The following AASDH variants were observed in gnomAD, a reference collection of about 807,000 sequenced individuals.
AASDH encodes the protein aminoadipate-semialdehyde dehydrogenase.
AASDH carries 81 observed loss-of-function variants against 102.3 expected under a neutral mutation model. The ratio of observed to expected loss-of-function variants is 0.79; its 90% CI spans 0.66 to 0.95. The LOEUF (loss-of-function observed/expected upper bound fraction) is 0.95. Ranked by LOEUF, AASDH falls within the 40% of genes least tolerant of loss-of-function variation. AASDH has a pLI of 0.00. For synonymous variants in AASDH, 398 were observed against 454.0 expected (o/e 0.88, Z 1.57); for missense variants, 1,203 against 1,266.2 (o/e 0.95, Z 0.76).
chr4:56,353,303 G>A, intron 9 of AASDH, 101 bp downstream of exon 9: 1 of 977,748 alleles, frequency 1.0e-6, no homozygotes, highest in Non-Finnish European at 1.5e-6. Context: ...ATAAATGCTA[G>A]TACCATTTAT....
intron 5 of AASDH, among the ~76,000 whole-genome samples, chr4:56,357,723 C>T (rs545090202): frequency 1.3e-5 from 2 of 151,278 alleles, no homozygotes; most frequent in Non-Finnish European, 2.9e-5. Flanking sequence ...TTTTGGCCTG[C>T]CTTCTTTCAC....
chr4:56,353,212 G>A (rs1216397870), intron 9 of AASDH, among the ~76,000 whole-genome samples, 192 bp downstream of exon 9: 1 of 151,820 alleles, frequency 6.6e-6, no homozygotes, highest in Non-Finnish European at 1.5e-5. Flanking sequence ...CTGTAAATAG[G>A]AATAATACCA....
chr4:56,344,948 T>C (rs1438815038), intron 12 of AASDH, among the ~76,000 whole-genome samples, 179 bp downstream of exon 12: 3 of 150,180 alleles, frequency 2.0e-5, no homozygotes, highest in East Asian at 3.9e-4. Flanking sequence ...TTCTTTTTTT[T>C]TTTTTTTTTT....
At chr4:56,376,130 C>A (rs1455388614) in intron 4 of AASDH, among the ~76,000 whole-genome samples, 3 of 150,142 alleles carry the variant, frequency 2.0e-5, no homozygotes, top group Middle Eastern at 3.2e-3. Context: ...CTAAATCAAT[C>A]CTTCCGCTTC....
intron 1 of AASDH, among the ~76,000 whole-genome samples, chr4:56,385,326 T>G (rs1309563912): frequency 5.9e-5 from 9 of 152,222 alleles, no homozygotes; most frequent in Admixed American, 5.9e-4. Context: ...TCATACTGTA[T>G]AGTTTATTTT....
intron 1 of AASDH, among the ~76,000 whole-genome samples, chr4:56,385,544 ACT>A (rs1753450343): frequency 6.6e-6 from 1 of 152,072 alleles, no homozygotes; most frequent in African/African-American, 2.4e-5. Flanking sequence ...CCCTCTCTGA[ACT>A]CTGTTTTCCA....
At chr4:56,338,964 G>GTCCCAGT (rs2109830264) in intron 14 of AASDH, among the ~76,000 whole-genome samples, 173 bp from the exon 15 acceptor site, 1 of 152,158 alleles carries the variant, frequency 6.6e-6, no homozygotes, top group African/African-American at 2.4e-5. Flanking sequence ...CTAGACCTCT[G>GTCCCAGT]TCCCAGTGGT....
At position 56,345,128 on chromosome 4, in the gene AASDH, T is replaced by C. The variant is rs372161264; in HGVS notation, c.2651A>G (p.Tyr884Cys). The C allele has an allele frequency of 5.6e-6, 9 of 1,613,562 alleles. No homozygotes were observed. The African/African-American group carries it at 6.7e-5, about 12-fold the overall frequency. The change falls in exon 12 of 15, where the codon TAT (tyrosine) becomes TGT (cysteine). Residue 884 changes from tyrosine to cysteine, a missense_variant and splice_region_variant. Physicochemically the swap from Tyr to Cys is radical, Grantham distance 194. Coordinates refer to ENST00000205214, the MANE Select transcript of AASDH (RefSeq NM_181806.4). ...HDQHAYALDI[Y>C]RKKCVWKSKC... ...AGCTAATTTGAGGTCAATCCTTACA[T>C]AAATATCTAAAGCATATGCGTGCTG...
intron 5 of AASDH, chr4:56,356,722 A>C: frequency 1.3e-5 from 9 of 708,124 alleles, no homozygotes; most frequent in Non-Finnish European, 2.1e-5. Flanking sequence ...CCACAGGAAG[A>C]CCTGTACCAC....
intron 7 of AASDH, 135 bp from the exon 8 acceptor site, chr4:56,354,346 T>C (rs778909323): frequency 3.7e-5 from 26 of 697,658 alleles, no homozygotes; most frequent in Non-Finnish European, 5.3e-5. Flanking sequence ...TTTTAAAATG[T>C]TATCTGATAA....
intron 10 of AASDH, among the ~76,000 whole-genome samples, chr4:56,351,056 C>T (rs901233907): frequency 2.0e-5 from 3 of 152,136 alleles, no homozygotes; most frequent in Non-Finnish European, 4.4e-5. Context: ...TACATTCCAC[C>T]GATCCTCTTA....
At chr4:56,364,348 C>T (rs558310170) in intron 5 of AASDH, among the ~76,000 whole-genome samples, 3 of 151,998 alleles carry the variant, frequency 2.0e-5, no homozygotes, top group Non-Finnish European at 2.9e-5. Flanking sequence ...CCAACATTCA[C>T]ATTCAGGAAA....
At chr4:56,355,835 T>A (rs1311462233) in intron 5 of AASDH, among the ~76,000 whole-genome samples, 1 of 152,036 alleles carries the variant, frequency 6.6e-6, no homozygotes, top group African/African-American at 2.4e-5. Context: ...TAGGCTGGTC[T>A]TGGACTCCTG....
Position 56,354,177 on chromosome 4 carries a change from TTCA to T in AASDH, c.1242_1244del (p.Asp414del). The T allele has an allele frequency of 6.3e-7, 1 of 1,596,332 alleles. No individual in the cohort carries two copies. Among genetic ancestry groups the T allele is most frequent in the Non-Finnish European group, 8.5e-7 (1 of 1,170,286 alleles). On this transcript the variant is annotated inframe_deletion, in exon 8 of 15. Transcript: ENST00000205214. ...GCATTGTGCCAAGTGGTACTGTCAC[TTCA>T]TCATCAAGAAAACACACTCTGTTTC...
At chr4:56,369,911 G>A (rs1751481615) in intron 5 of AASDH, among the ~76,000 whole-genome samples, 1 of 150,224 alleles carries the variant, frequency 6.7e-6, no homozygotes, top group Admixed American at 6.6e-5. Context: ...CTGTACTCCA[G>A]GCTGGGCGAG....
chr4:56,378,142 A>C lies in AASDH; in HGVS notation c.668+6T>G. 6.3e-7 allele frequency: 1 copy of C among 1,592,772 alleles called. No homozygotes were observed. The highest frequency in any genetic ancestry group is 2.2e-5 in the East Asian group (1 of 44,662). ...TTCTGAGAAAGAGTCAAAGACTAGA[A>C]CTTACCGAAAATGCTGGATATTTGG... On this transcript the variant is annotated splice_donor_region_variant and intron_variant, in intron 4 of 14. Transcript: ENST00000205214.
Position 56,378,293 on chromosome 4 carries a change from C to A in AASDH, c.523G>T (p.Val175Phe), listed in dbSNP as rs772703352. 1 of 1,614,076 alleles carries A rather than the reference C, an allele frequency of 6.2e-7. No individual in the cohort carries two copies. The highest frequency in any genetic ancestry group is 8.5e-7 in the Non-Finnish European group (1 of 1,180,036). ...EKIKSISSEH[V>F]NEEKAEEHMD... ...TGTTCTTCTGCTTTTTCTTCATTGACATGCTCAGAACTTATGCTTTTTATT... is the reference window on the plus strand; with the variant it reads ...TGTTCTTCTGCTTTTTCTTCATTGAAATGCTCAGAACTTATGCTTTTTATT... The change falls in exon 4 of 15, where the codon GTC becomes TTC. Residue 175 changes from valine (V) to phenylalanine (F), a missense_variant. Val to Phe is a conservative substitution (Grantham distance 50, BLOSUM62 -1). Transcript: ENST00000205214.
chr4:56,373,616 T>C (rs767890071), intron 4 of AASDH, among the ~76,000 whole-genome samples: 1 of 152,174 alleles, frequency 6.6e-6, no homozygotes, highest in African/African-American at 2.4e-5. Context: ...GTGCCATACG[T>C]TGGGGTATCA....
chr4:56,363,468 C>T (rs1322054062), intron 5 of AASDH, among the ~76,000 whole-genome samples: 1 of 152,212 alleles, frequency 6.6e-6, no homozygotes, highest in Non-Finnish European at 1.5e-5. Context: ...CTGGGAGGCA[C>T]CCCCAGTAGG....
Sources: allele counts gnomAD v4.1 joint callset (sites outside exome capture counted in the v4.1 genomes callset), GRCh38; gene constraint gnomAD v4.1.1; transcripts MANE v1.5; gene names NCBI Gene and HGNC (gene_info 2026-07-23, HGNC 2026-07-21).